Variants in TTC7A observed in about 807,000 individuals in gnomAD.
TTC7A encodes the protein tetratricopeptide repeat protein 7A.
In TTC7A, 110 loss-of-function variants were observed where a neutral mutation model predicts 103.7. That is an observed-to-expected ratio of 1.06 (90% CI 0.91 to 1.24). The LOEUF (loss-of-function observed/expected upper bound fraction) is 1.24, where lower values mean the gene tolerates loss of function less well. Among genes scored for constraint, TTC7A ranks in the 50% most tolerant of loss-of-function variants. The pLI, the probability that TTC7A is intolerant of heterozygous loss-of-function variation, is 0.00. For missense variants in TTC7A, 1,340 were observed against 1,116.3 expected, an observed-to-expected ratio of 1.20 and a Z score of -2.86; for synonymous variants, 521 against 467.9, an observed-to-expected ratio of 1.11 and a Z score of -1.47.
intron 19 of TTC7A, among the ~76,000 whole-genome samples, chr2:47,061,704 G>A (rs932457047): frequency 1.3e-5 from 2 of 152,182 alleles, no homozygotes; most frequent in African/African-American, 4.8e-5. Context: ...CTGTCCGGTG[G>A]ATATCCTCTG....
At chr2:46,933,377 TA>T (rs1437155345) in intron 2 of TTC7A, among the ~76,000 whole-genome samples, 1 of 152,172 alleles carries the variant, frequency 6.6e-6, no homozygotes, top group Non-Finnish European at 1.5e-5. Context: ...ATTCTAAAAT[TA>T]ATATAACAAA....
At chr2:46,945,557 A>AT (rs1209928225) in intron 1 of TTC7A, among the ~76,000 whole-genome samples, 2 of 151,744 alleles carry the variant, frequency 1.3e-5, no homozygotes, top group South Asian at 2.1e-4. Context: ...TACCTAGTTA[A>AT]TTTTTTTATT....
chr2:47,024,541 A>G (rs1679672027), intron 14 of TTC7A, among the ~76,000 whole-genome samples, 182 bp downstream of exon 14: 1 of 152,108 alleles, frequency 6.6e-6, no homozygotes, highest in Non-Finnish European at 1.5e-5. Flanking sequence ...AGGTCAGGTA[A>G]TGTGGGTAAA....
chr2:46,948,125 A>G (rs911033650), intron 1 of TTC7A, among the ~76,000 whole-genome samples: 8 of 152,234 alleles, frequency 5.3e-5, no homozygotes, highest in Non-Finnish European at 8.8e-5. Context: ...CGGTGGCCCA[A>G]GGGCACGGAG....
intron 3 of TTC7A, among the ~76,000 whole-genome samples, chr2:46,959,306 G>A (rs1672173776): frequency 6.6e-6 from 1 of 152,202 alleles, no homozygotes; most frequent in African/African-American, 2.4e-5. Context: ...ATGCTGGGCT[G>A]CCTGCAGGAG....
chr2:47,021,996 A>T lies in TTC7A; in HGVS notation c.1510+17A>T, dbSNP rs939473202. 3 of 1,584,884 alleles carry T rather than the reference A, an allele frequency of 1.9e-6. No homozygotes were observed. Among genetic ancestry groups the T allele is most frequent in the Non-Finnish European group, 2.6e-6 (3 of 1,156,256 alleles). ...CCACCGACGGTGAGTGCCAGGCCCC[A>T]GGAGGCCTCTACTTGGGGATGGCTC... is the stretch of plus-strand genomic sequence containing the variant. On this transcript the variant is annotated intron_variant, in intron 12 of 19. Transcript: ENST00000319190.
intron 5 of TTC7A, among the ~76,000 whole-genome samples, chr2:46,985,365 G>C (rs1367776678): frequency 6.6e-6 from 1 of 152,194 alleles, no homozygotes; most frequent in East Asian, 1.9e-4. Flanking sequence ...GTAAGTAGCA[G>C]TCCCAGGACA....
At chr2:47,032,879 A>C (rs912521525) in intron 15 of TTC7A, among the ~76,000 whole-genome samples, 18 of 151,272 alleles carry the variant, frequency 1.2e-4, no homozygotes, top group Admixed American at 9.2e-4. Context: ...AAAAAAAAAA[A>C]AAAAATTGTA....
chr2:47,003,164 C>G (rs1228558144), intron 8 of TTC7A, among the ~76,000 whole-genome samples: 3 of 151,846 alleles, frequency 2.0e-5, no homozygotes, highest in African/African-American at 4.8e-5. Context: ...GGCCCAGAGT[C>G]TTTCTCTCCT....
At chr2:46,955,383 C>G (rs1032029263) in intron 2 of TTC7A, among the ~76,000 whole-genome samples, 30 of 152,174 alleles carry the variant, frequency 2.0e-4, no homozygotes, top group African/African-American at 7.0e-4. Flanking sequence ...CAAATCCCCT[C>G]AAAAGATTCA....
intron 18 of TTC7A, among the ~76,000 whole-genome samples, chr2:47,055,980 C>T (rs1012307600): frequency 6.6e-6 from 1 of 152,220 alleles, no homozygotes; most frequent in African/African-American, 2.4e-5. Context: ...TTCCCACGTC[C>T]TCCTCTTCCC....
chr2:46,956,891 A>C lies in TTC7A; in HGVS notation c.401A>C (p.Glu134Ala). 6.2e-7 allele frequency: 1 copy of C among 1,614,190 alleles called. No individual in the cohort carries two copies. The highest frequency in any genetic ancestry group is 8.5e-7 in the Non-Finnish European group (1 of 1,180,042). Residue 134 changes from glutamate to alanine, a missense_variant, in exon 3 of 20, where the codon GAG (glutamate) becomes GCG (alanine). Coordinates refer to ENST00000319190, the MANE Select transcript of TTC7A (RefSeq NM_020458.4). ...ATCCTGGGCAAACTGCATTACGTGGAGGGCTCATACCGAGATGCCATCAGC... is the reference window on the plus strand; with the variant it reads ...ATCCTGGGCAAACTGCATTACGTGGCGGGCTCATACCGAGATGCCATCAGC... ...MLILGKLHYV[E>A]GSYRDAISMY...
intron 1 of TTC7A, among the ~76,000 whole-genome samples, 161 bp from the exon 2 acceptor site, chr2:46,950,202 T>C (rs1277837548): frequency 1.3e-5 from 2 of 152,218 alleles, no homozygotes; most frequent in Non-Finnish European, 2.9e-5. Context: ...GTCTTTTCTT[T>C]AAAGGCTGTT....
intron 3 of TTC7A, among the ~76,000 whole-genome samples, chr2:46,972,620 C>T (rs184497035): frequency 9.2e-5 from 14 of 152,274 alleles, no homozygotes; most frequent in African/African-American, 3.4e-4. Context: ...TCATGATCAG[C>T]TGAGATTGCA....
intron 19 of TTC7A, among the ~76,000 whole-genome samples, chr2:47,072,862 G>C (rs928582716): frequency 2.6e-5 from 4 of 152,206 alleles, no homozygotes; most frequent in Non-Finnish European, 4.4e-5. Flanking sequence ...CCACTTCCCA[G>C]TGTGGGTAGA....
intron 17 of TTC7A, among the ~76,000 whole-genome samples, chr2:47,051,427 A>G (rs944331433): frequency 3.9e-5 from 6 of 152,320 alleles, no homozygotes; most frequent in Middle Eastern, 3.4e-3. Flanking sequence ...ATCAATCCCT[A>G]TTGTTGGACA....
intron 19 of TTC7A, among the ~76,000 whole-genome samples, chr2:47,069,307 C>G (rs1684463571): frequency 6.6e-6 from 1 of 152,142 alleles, no homozygotes; most frequent in Admixed American, 6.5e-5. Flanking sequence ...TGGTCCCTGC[C>G]CCTCTGAAAA....
In TTC7A at chr2:47,036,139, G is replaced by A. The variant is rs767604356; in HGVS notation, c.1802+6755G>A. Among the ~76,000 whole-genome samples the A allele has an allele frequency of 2.6e-5, 4 of 152,326 alleles. 1 individual carries two copies. The highest frequency in any genetic ancestry group is 4.1e-4 in the South Asian group (2 of 4,828). On this transcript the variant is annotated intron_variant, in intron 15 of 19. Coordinates refer to ENST00000319190, the MANE Select transcript of TTC7A (RefSeq NM_020458.4). ...GGAGGTAGCTGCAGGGAGGGAAGCC[G>A]AGACCCGGAGGCCAGTTGTGTCAGC... is the stretch of plus-strand genomic sequence containing the variant.
intron 5 of TTC7A, among the ~76,000 whole-genome samples, chr2:46,980,932 G>A (rs777515631): frequency 1.3e-5 from 2 of 152,238 alleles, no homozygotes; most frequent in Admixed American, 1.3e-4. Context: ...GGTGGAAGAG[G>A]CGCATAGGGC....
Sources: gnomAD v4.1 joint callset for allele counts (sites outside exome capture counted in the v4.1 genomes callset) on GRCh38, gnomAD v4.1.1 for gene constraint, MANE v1.5 for transcripts, NCBI Gene and HGNC (gene_info 2026-07-23, HGNC 2026-07-21) for gene names.